Variants in CNTN5 observed in about 807,000 individuals in gnomAD.
CNTN5 encodes the protein contactin-5.
Under a neutral mutation model 129.1 loss-of-function variants are expected in CNTN5, and 77 were observed. The ratio of observed to expected loss-of-function variants is 0.60; its 90% CI spans 0.50 to 0.72. The LOEUF is 0.72. Among genes scored for constraint, CNTN5 ranks in the 30% least tolerant of loss-of-function variants. The pLI is 0.00. For missense variants in CNTN5, 1,478 were observed against 1,328.8 expected, an observed-to-expected ratio of 1.11 and a Z score of -1.75; for synonymous variants, 509 against 465.6, an observed-to-expected ratio of 1.09 and a Z score of -1.20.
intron 2 of CNTN5, among the ~76,000 whole-genome samples, chr11:99,504,883 C>A (rs1005173666): frequency 2.6e-5 from 4 of 152,072 alleles, no homozygotes; most frequent in African/African-American, 9.7e-5. Flanking sequence ...AGTGCAGAAA[C>A]CATAGTTTAT....
intron 10 of CNTN5, among the ~76,000 whole-genome samples, chr11:100,062,624 G>A (rs1943529495): frequency 6.6e-6 from 1 of 152,160 alleles, no homozygotes; most frequent in East Asian, 1.9e-4. Flanking sequence ...CTGTGGGAAT[G>A]CAGAGTCTAC....
At chr11:99,733,064 G>A (rs569207741) in intron 3 of CNTN5, among the ~76,000 whole-genome samples, 29 of 152,178 alleles carry the variant, frequency 1.9e-4, no homozygotes, top group Admixed American at 5.9e-4. Context: ...GGTGGCTCAC[G>A]CCTGTCATCC....
chr11:99,041,157 G>C (rs902937733), intron 1 of CNTN5, among the ~76,000 whole-genome samples: 2 of 152,034 alleles, frequency 1.3e-5, no homozygotes, highest in Admixed American at 1.3e-4. Context: ...TTACCACCAG[G>C]AGCCAACTCC....
intron 15 of CNTN5, among the ~76,000 whole-genome samples, chr11:100,219,371 C>G (rs1263486333): frequency 1.3e-5 from 2 of 152,186 alleles, no homozygotes; most frequent in African/African-American, 4.8e-5. Flanking sequence ...CTTTTGCCAT[C>G]AGATTGAATG....
intron 2 of CNTN5, among the ~76,000 whole-genome samples, chr11:99,464,901 A>C (rs1265058806): frequency 6.6e-6 from 1 of 152,202 alleles, no homozygotes; most frequent in Non-Finnish European, 1.5e-5. Flanking sequence ...TAACAACTGT[A>C]GTTAGTTTAC....
At chr11:99,132,254 C>A (rs572905518) in intron 1 of CNTN5, among the ~76,000 whole-genome samples, 1 of 151,792 alleles carries the variant, frequency 6.6e-6, no homozygotes, top group East Asian at 1.9e-4. Context: ...AAAGAACATA[C>A]CTCAAAACAA....
At chr11:99,387,167 A>G (rs1011384613) in intron 2 of CNTN5, among the ~76,000 whole-genome samples, 4 of 152,164 alleles carry the variant, frequency 2.6e-5, no homozygotes, top group Non-Finnish European at 5.9e-5. Flanking sequence ...ATATACATCT[A>G]TTTGCCATAG....
chr11:100,203,345 A>G (rs549979594), intron 15 of CNTN5, among the ~76,000 whole-genome samples: 1 of 152,150 alleles, frequency 6.6e-6, no homozygotes, highest in South Asian at 2.1e-4. Flanking sequence ...CAAAATGGAT[A>G]TGAGATGCAG....
chr11:99,929,360 G>C (rs894772675), intron 7 of CNTN5, among the ~76,000 whole-genome samples: 1 of 152,070 alleles, frequency 6.6e-6, no homozygotes, highest in Non-Finnish European at 1.5e-5. Context: ...CTGTTACCCA[G>C]TTGCAAATTT....
chr11:99,930,341 C>T (rs1950162753), intron 7 of CNTN5, among the ~76,000 whole-genome samples: 1 of 152,128 alleles, frequency 6.6e-6, no homozygotes, highest in African/African-American at 2.4e-5. Flanking sequence ...GATCAAATTC[C>T]ACCATTTTGA....
intron 3 of CNTN5, among the ~76,000 whole-genome samples, chr11:99,655,235 C>T (rs145245971): frequency 6.6e-6 from 1 of 152,064 alleles, no homozygotes; most frequent in Admixed American, 6.6e-5. Flanking sequence ...ATTAAACAGT[C>T]TTACAAGCCT....
intron 13 of CNTN5, among the ~76,000 whole-genome samples, chr11:100,119,923 G>A (rs533593080): frequency 4.6e-5 from 7 of 151,980 alleles, no homozygotes; most frequent in African/African-American, 1.2e-4. Flanking sequence ...TAACACTTCC[G>A]TGCCTTTCTT....
chr11:99,378,163 T>C (rs1319143817), intron 2 of CNTN5, among the ~76,000 whole-genome samples: 1 of 152,152 alleles, frequency 6.6e-6, no homozygotes, highest in African/African-American at 2.4e-5. Flanking sequence ...GTGGGAACAC[T>C]ACTCTTAACA....
At chr11:99,518,444 C>A (rs936130428) in intron 2 of CNTN5, among the ~76,000 whole-genome samples, 1 of 152,018 alleles carries the variant, frequency 6.6e-6, no homozygotes. Context: ...AAACCTCTAG[C>A]GACAAATCAT....
At chr11:99,470,666 A>G (rs1945135387) in intron 2 of CNTN5, among the ~76,000 whole-genome samples, 1 of 152,050 alleles carries the variant, frequency 6.6e-6, no homozygotes, top group Admixed American at 6.6e-5. Flanking sequence ...TTTTGCCCCA[A>G]AGAGGCATCA....
chr11:99,057,785 A>ATGTGTGT (rs138574138), intron 1 of CNTN5, among the ~76,000 whole-genome samples: 2 of 144,914 alleles, frequency 1.4e-5, no homozygotes, highest in African/African-American at 5.1e-5. Flanking sequence ...ATGAAACATA[A>ATGTGTGT]GTGTGTGTGT....
chr11:99,439,367 T>C (rs1943726259), intron 2 of CNTN5, among the ~76,000 whole-genome samples: 2 of 151,844 alleles, frequency 1.3e-5, no homozygotes, highest in South Asian at 4.2e-4. Flanking sequence ...TCTAAAAAAA[T>C]AACGTTAAAA....
rs568576921 is a variant in CNTN5 at position 100,292,165 on chromosome 11, C to T, written c.2315-5460C>T. On this transcript the variant is annotated intron_variant, in intron 18 of 24. Transcript: ENST00000524871. ...TTCCACTTTATTTTGTACTTTCCAG[C>T]GGTGCTCTGGTACTTTCCAGGTCAG... 2.2e-3 allele frequency among the ~76,000 whole-genome samples: 339 copies of T among 152,122 alleles called. 2 individuals carry two copies. Among genetic ancestry groups the T allele is most frequent in the Non-Finnish European group, 3.9e-3 (267 of 67,960 alleles).
chr11:99,828,477 A>G (rs563863192), intron 4 of CNTN5, among the ~76,000 whole-genome samples: 2 of 152,204 alleles, frequency 1.3e-5, no homozygotes, highest in East Asian at 1.9e-4. Context: ...GGATAATGCA[A>G]TTGCAACAAT....
Sources: allele counts gnomAD v4.1 joint callset (sites outside exome capture counted in the v4.1 genomes callset), GRCh38; gene constraint gnomAD v4.1.1; transcripts MANE v1.5; gene names NCBI Gene and HGNC (gene_info 2026-07-23, HGNC 2026-07-21).